Variants in DCLK1 observed in about 807,000 individuals in gnomAD.
The protein encoded by DCLK1 is serine/threonine-protein kinase DCLK1.
DCLK1 carries 16 observed loss-of-function variants against 86.2 expected under a neutral mutation model. The observed-to-expected ratio is 0.19, with a 90% CI of 0.13 to 0.28. The LOEUF (loss-of-function observed/expected upper bound fraction) is 0.28. Ranked by LOEUF, DCLK1 falls within the 10% of genes least tolerant of loss-of-function variation. The pLI, the probability that DCLK1 is intolerant of heterozygous loss-of-function variation, is 1.00. For synonymous variants in DCLK1, 369 were observed against 370.5 expected, an observed-to-expected ratio of 1.00 and a Z score of 0.05; for missense variants, 590 against 940.2, an observed-to-expected ratio of 0.63 and a Z score of 4.87.
At chr13:36,073,139 A>G (rs1417508989) in intron 3 of DCLK1, among the ~76,000 whole-genome samples, 3 of 152,208 alleles carry the variant, frequency 2.0e-5, no homozygotes, top group Non-Finnish European at 4.4e-5. Flanking sequence ...GTATAATTCA[A>G]TGATTTTTAG....
At chr13:35,899,287 G>T (rs1593713229) in intron 4 of DCLK1, among the ~76,000 whole-genome samples, 1 of 152,062 alleles carries the variant, frequency 6.6e-6, no homozygotes, top group Admixed American at 6.6e-5. Context: ...ATATGAGAGA[G>T]AGAGCAGCTT....
At chr13:35,992,306 A>G (rs1880269981) in intron 3 of DCLK1, among the ~76,000 whole-genome samples, 1 of 152,216 alleles carries the variant, frequency 6.6e-6, no homozygotes, top group Non-Finnish European at 1.5e-5. Flanking sequence ...TGCAAGCCAT[A>G]GTCTCACAAA....
chr13:35,908,521 C>A (rs2153124099), intron 4 of DCLK1, among the ~76,000 whole-genome samples: 1 of 152,330 alleles, frequency 6.6e-6, no homozygotes, highest in South Asian at 2.1e-4. Context: ...TGCCAGTGAG[C>A]TTTCTTCCAA....
At chr13:35,812,589 C>T (rs1287397316) in intron 11 of DCLK1, among the ~76,000 whole-genome samples, 2 of 152,258 alleles carry the variant, frequency 1.3e-5, no homozygotes, top group Non-Finnish European at 2.9e-5. Flanking sequence ...GCCAGCTAAG[C>T]TGCAATATCA....
At chr13:35,793,101 C>T (rs957832228) in intron 16 of DCLK1, among the ~76,000 whole-genome samples, 4 of 152,050 alleles carry the variant, frequency 2.6e-5, no homozygotes, top group East Asian at 1.9e-4. Flanking sequence ...GGGAGGTTTT[C>T]GGTTTTAAAT....
intron 4 of DCLK1, among the ~76,000 whole-genome samples, chr13:35,935,048 C>A (rs1217665355): frequency 6.6e-6 from 1 of 152,030 alleles, no homozygotes; most frequent in Non-Finnish European, 1.5e-5. Flanking sequence ...TGACTTGAAC[C>A]TCAAAGGACA....
intron 14 of DCLK1, among the ~76,000 whole-genome samples, chr13:35,807,896 G>C (rs537350235): frequency 6.6e-6 from 1 of 152,336 alleles, no homozygotes; most frequent in Non-Finnish European, 1.5e-5. Context: ...AGAGCTGAGA[G>C]AGGTGAAACC....
intron 3 of DCLK1, among the ~76,000 whole-genome samples, chr13:36,073,702 C>T (rs1884061953): frequency 6.6e-6 from 1 of 152,144 alleles, no homozygotes; most frequent in Non-Finnish European, 1.5e-5. Flanking sequence ...GTCTGGCTCA[C>T]ACCTGAACTA....
At chr13:35,972,190 C>A (rs983104989) in intron 3 of DCLK1, among the ~76,000 whole-genome samples, 1 of 152,134 alleles carries the variant, frequency 6.6e-6, no homozygotes, top group Non-Finnish European at 1.5e-5. Context: ...CCTCTGAGGT[C>A]CTTTCTGTGG....
intron 3 of DCLK1, among the ~76,000 whole-genome samples, chr13:35,970,217 T>C (rs1878998540): frequency 6.6e-6 from 1 of 152,160 alleles, no homozygotes; most frequent in Non-Finnish European, 1.5e-5. Flanking sequence ...AAAGAATTGT[T>C]TTCCATTCGT....
intron 8 of DCLK1, among the ~76,000 whole-genome samples, chr13:35,832,045 C>T (rs552920362): frequency 2.0e-5 from 3 of 152,260 alleles, no homozygotes; most frequent in African/African-American, 7.2e-5. Flanking sequence ...GTCGTCCCAG[C>T]ATTTTGAGAG....
At chr13:36,091,801 T>C (rs1884837335) in intron 3 of DCLK1, among the ~76,000 whole-genome samples, 1 of 152,194 alleles carries the variant, frequency 6.6e-6, no homozygotes, top group Non-Finnish European at 1.5e-5. Flanking sequence ...CTCCCAACGA[T>C]AGCTATCCAT....
At chr13:36,085,146 C>T (rs916273251) in intron 3 of DCLK1, among the ~76,000 whole-genome samples, 1 of 152,078 alleles carries the variant, frequency 6.6e-6, no homozygotes, top group African/African-American at 2.4e-5. Flanking sequence ...ATCAAATACA[C>T]TAATTTTTTC....
rs1870452519 is a variant in DCLK1, at chr13:35,849,504, C to A, written c.1035+4995G>T. The stretch of plus-strand genomic sequence containing the variant: ...TGTTTGAACTAGTAAAAGTAAATGA[C>A]CACTAGGATATGGCTTAAATACAAT... On this transcript the variant is annotated intron_variant, in intron 6 of 16. Transcript: ENST00000360631. 5.1e-6 allele frequency: 5 copies of A among 982,736 alleles called. No individual in the cohort carries two copies. The South Asian group carries it at 2.4e-4, about 46-fold the overall frequency. The allele number at this position is 982,736 out of a possible 1,614,324, so 60.9% of individuals were successfully genotyped here. A position where few individuals can be genotyped will look rare whatever the true frequency, so the allele number is the denominator to read the frequency against.
chr13:36,075,148 A>C (rs1440923948), intron 3 of DCLK1, among the ~76,000 whole-genome samples: 5 of 152,224 alleles, frequency 3.3e-5, no homozygotes, highest in African/African-American at 1.2e-4. Context: ...AGCATCAAAA[A>C]TTTGTGTCTC....
chr13:36,113,949 C>A (rs1412182306), intron 2 of DCLK1, among the ~76,000 whole-genome samples: 1 of 152,176 alleles, frequency 6.6e-6, no homozygotes, highest in Admixed American at 6.5e-5. Flanking sequence ...CCCTAACACT[C>A]CCCAGTGAGA....
intron 3 of DCLK1, 69 bp from the exon 4 acceptor site, chr13:35,947,526 G>T: frequency 7.9e-7 from 1 of 1,267,676 alleles, no homozygotes; most frequent in Non-Finnish European, 1.1e-6. Context: ...AACCCCACGA[G>T]CAGACATCTG....
chr13:35,886,344 A>C (rs1873241651), intron 4 of DCLK1, among the ~76,000 whole-genome samples: 1 of 152,142 alleles, frequency 6.6e-6, no homozygotes, highest in South Asian at 2.1e-4. Flanking sequence ...ATTTCTTTCC[A>C]AGGGGCTACT....
chr13:36,130,561 TGAGGCAGCCTCGCTGTCCCTG>T (rs1198118416), intron 1 of DCLK1, among the ~76,000 whole-genome samples: 1 of 152,128 alleles, frequency 6.6e-6, no homozygotes, highest in East Asian at 1.9e-4. Flanking sequence ...AATTTGAACA[TGAGGCAGCCTCGCTGTCCCTG>T]AAGGAACTTG....
Sources: gnomAD v4.1 joint callset for allele counts (sites outside exome capture counted in the v4.1 genomes callset) on GRCh38, gnomAD v4.1.1 for gene constraint, MANE v1.5 for transcripts, NCBI Gene and HGNC (gene_info 2026-07-23, HGNC 2026-07-21) for gene names.